Variants in TRPM3 observed in about 807,000 individuals in gnomAD.
The protein encoded by TRPM3 is long transient receptor potential channel 3.
A neutral mutation model predicts 181.2 loss-of-function variants in TRPM3; 77 were observed. The ratio of observed to expected loss-of-function variants is 0.42; its 90% CI spans 0.35 to 0.51. The LOEUF (loss-of-function observed/expected upper bound fraction) is 0.51. Ranked by LOEUF, TRPM3 falls within the 20% of genes least tolerant of loss-of-function variation. TRPM3 has a pLI of 0.01. For missense variants in TRPM3, 1,759 were observed against 2,196.7 expected (o/e 0.80, Z 3.98); for synonymous variants, 745 against 796.4 (o/e 0.94, Z 1.09).
chr9:70,748,329 G>A (rs1245352743), intron 8 of TRPM3, among the ~76,000 whole-genome samples: 2 of 152,136 alleles, frequency 1.3e-5, no homozygotes, highest in Non-Finnish European at 2.9e-5. Flanking sequence ...TAGAGCCATA[G>A]CTGCCAGGGT....
intron 1 of TRPM3, among the ~76,000 whole-genome samples, chr9:71,417,725 A>G (rs373237683): frequency 2.7e-4 from 41 of 152,122 alleles, no homozygotes; most frequent in African/African-American, 7.9e-4. Flanking sequence ...ATTATTTCAC[A>G]TAGACTTCTA....
At chr9:70,670,158 G>C (rs998024723) in intron 9 of TRPM3, among the ~76,000 whole-genome samples, 1 of 152,102 alleles carries the variant, frequency 6.6e-6, no homozygotes, top group Non-Finnish European at 1.5e-5. Flanking sequence ...GTTGGAAGAT[G>C]GGGTTTGATC....
At chr9:71,293,993 C>A (rs2086046189) in intron 1 of TRPM3, among the ~76,000 whole-genome samples, 1 of 151,940 alleles carries the variant, frequency 6.6e-6, no homozygotes, top group East Asian at 1.9e-4. Context: ...TACAACACTG[C>A]TTCCTTCTTG....
At chr9:70,640,245 T>G (rs1014053719) in intron 10 of TRPM3, among the ~76,000 whole-genome samples, 1 of 152,184 alleles carries the variant, frequency 6.6e-6, no homozygotes, top group African/African-American at 2.4e-5. Context: ...TCCTTAATTT[T>G]AGTTAATACA....
intron 1 of TRPM3, among the ~76,000 whole-genome samples, chr9:71,000,729 C>A (rs2097589966): frequency 6.6e-6 from 1 of 152,142 alleles, no homozygotes; most frequent in Non-Finnish European, 1.5e-5. Flanking sequence ...AAGAAGCTGG[C>A]AATACAATGT....
At chr9:71,200,542 T>A (rs988755723) in intron 1 of TRPM3, among the ~76,000 whole-genome samples, 1 of 152,176 alleles carries the variant, frequency 6.6e-6, no homozygotes, top group African/African-American at 2.4e-5. Flanking sequence ...ACTTGCTTTA[T>A]GAATCTGGGT....
Position 71,420,378 on chromosome 9 carries a change from T to A in TRPM3, c.183+26275A>T, listed in dbSNP as rs529356469. Among the ~76,000 whole-genome samples, 3 of 151,824 alleles carry A rather than the reference T, an allele frequency of 2.0e-5. No individual in the cohort carries two copies. The South Asian group carries it at 6.2e-4, about 31-fold the overall frequency. ...CCTTCATGATAATGTTTGGGGGAAA[T>A]GTGAAAAGGGAATAATAAAGAGAAA... is the stretch of plus-strand genomic sequence containing the variant. On this transcript the variant is annotated intron_variant, in intron 1 of 24. Transcript: ENST00000357533.
intron 1 of TRPM3, among the ~76,000 whole-genome samples, chr9:71,269,033 G>A (rs548627349): frequency 4.6e-5 from 7 of 152,228 alleles, no homozygotes; most frequent in Admixed American, 3.9e-4. Flanking sequence ...TGAAAGCATA[G>A]CAAGTACACG....
At chr9:71,141,694 G>C (rs966349244) in intron 1 of TRPM3, among the ~76,000 whole-genome samples, 8 of 152,032 alleles carry the variant, frequency 5.3e-5, no homozygotes, top group Non-Finnish European at 1.0e-4. Context: ...TGAATGACGG[G>C]ATTAATATTA....
intron 1 of TRPM3, among the ~76,000 whole-genome samples, chr9:70,924,607 C>T (rs2096701153): frequency 1.3e-5 from 2 of 152,144 alleles, no homozygotes; most frequent in African/African-American, 2.4e-5. Context: ...TAAAGCTCTT[C>T]GTCTTGTTGC....
At chr9:71,036,132 T>C (rs571417342) in intron 1 of TRPM3, among the ~76,000 whole-genome samples, 10 of 152,238 alleles carry the variant, frequency 6.6e-5, no homozygotes, top group African/African-American at 2.2e-4. Flanking sequence ...TTTAAGAGAT[T>C]TCTCCTTTGT....
chr9:71,146,183 G>A (rs188533998), intron 1 of TRPM3, among the ~76,000 whole-genome samples: 28 of 152,248 alleles, frequency 1.8e-4, no homozygotes, highest in Non-Finnish European at 2.9e-4. Context: ...ACGTTCCTTC[G>A]TTTTTAATGT....
intron 6 of TRPM3, among the ~76,000 whole-genome samples, chr9:70,807,324 C>T (rs1192681702): frequency 6.6e-6 from 1 of 152,130 alleles, no homozygotes; most frequent in Non-Finnish European, 1.5e-5. Context: ...AAATGATTTA[C>T]AACAATCATA....
chr9:71,064,702 T>C (rs904251631), intron 1 of TRPM3, among the ~76,000 whole-genome samples: 13 of 152,132 alleles, frequency 8.5e-5, no homozygotes, highest in Non-Finnish European at 1.6e-4. Context: ...TTTGAAACTT[T>C]GAATTCACGT....
chr9:70,926,114 C>T (rs1359385029), intron 1 of TRPM3, among the ~76,000 whole-genome samples: 1 of 151,988 alleles, frequency 6.6e-6, no homozygotes, highest in African/African-American at 2.4e-5. Context: ...AGGCCATAAA[C>T]CATGCATAGG....
intron 1 of TRPM3, among the ~76,000 whole-genome samples, chr9:71,173,209 T>C (rs544614694): frequency 6.6e-6 from 1 of 152,326 alleles, no homozygotes; most frequent in East Asian, 1.9e-4. Context: ...TGTATGTTAA[T>C]GATAAGCATA....
At chr9:71,050,148 A>G (rs564882326) in intron 1 of TRPM3, among the ~76,000 whole-genome samples, 2 of 152,328 alleles carry the variant, frequency 1.3e-5, no homozygotes, top group South Asian at 4.1e-4. Flanking sequence ...AGTATCATGC[A>G]CATAGCAGGA....
intron 1 of TRPM3, among the ~76,000 whole-genome samples, chr9:71,279,253 A>T (rs2084503217): frequency 6.6e-6 from 1 of 152,090 alleles, no homozygotes; most frequent in South Asian, 2.1e-4. Flanking sequence ...TTCCTGTGAA[A>T]ATATCAACAG....
chr9:70,597,125 G>T (rs975213163), intron 21 of TRPM3, among the ~76,000 whole-genome samples: 3 of 151,992 alleles, frequency 2.0e-5, no homozygotes, highest in Non-Finnish European at 4.4e-5. Context: ...TAGAGATAGG[G>T]TTTCTCCATG....
Sources: allele counts gnomAD v4.1 joint callset (sites outside exome capture counted in the v4.1 genomes callset), GRCh38; gene constraint gnomAD v4.1.1; transcripts MANE v1.5; gene names NCBI Gene and HGNC (gene_info 2026-07-23, HGNC 2026-07-21).